Variants in NOX4 observed in about 807,000 individuals in gnomAD.
NOX4 encodes kidney oxidase-1.
In NOX4, 69 loss-of-function variants were observed where a neutral mutation model predicts 87.6. The observed-to-expected ratio is 0.79, with a 90% CI of 0.65 to 0.96. The LOEUF (loss-of-function observed/expected upper bound fraction) is 0.96. Among genes scored for constraint, NOX4 ranks in the 40% least tolerant of loss-of-function variants. The pLI, the probability that NOX4 is intolerant of heterozygous loss-of-function variation, is 0.00. For missense variants in NOX4, 680 were observed against 681.5 expected, an observed-to-expected ratio of 1.00 and a Z score of 0.02; for synonymous variants, 275 against 238.2, an observed-to-expected ratio of 1.15 and a Z score of -1.42.
In NOX4 at chr11:89,400,631, C is replaced by A. The variant is rs986925251; in HGVS notation, c.847-252G>T. Among the ~76,000 whole-genome samples the A allele has an allele frequency of 1.3e-4, 20 of 152,028 alleles. 1 individual carries two copies. The highest frequency in any genetic ancestry group is 4.8e-4 in the African/African-American group (20 of 41,524). ...TGCCCTGGGTGTAACTATCCATGAGCAAACAAGTATATATTCTTTCATACA... is the reference window on the plus strand; with the variant it reads ...TGCCCTGGGTGTAACTATCCATGAGAAAACAAGTATATATTCTTTCATACA... On this transcript the variant is annotated intron_variant, in intron 9 of 17. Transcript: ENST00000263317.
intron 6 of NOX4, among the ~76,000 whole-genome samples, chr11:89,438,679 T>TATA (rs369556281): frequency 0.55 from 41,274 of 74,966 alleles, 12,859 homozygotes; most frequent in African/African-American, 0.84. Flanking sequence ...ATATACTATA[T>TATA]ATACTATAAA....
chr11:89,574,883 T>C, the NOX4 span, among the ~76,000 whole-genome samples: 1 of 152,176 alleles, frequency 6.6e-6, no homozygotes, highest in African/African-American at 2.4e-5. Context: ...CAAGGCGTCA[T>C]TAAAGATATT....
At chr11:89,561,701 C>T in the NOX4 span, among the ~76,000 whole-genome samples, 3 of 151,990 alleles carry the variant, frequency 2.0e-5, no homozygotes, top group South Asian at 2.1e-4. Context: ...TTGTTGGTGC[C>T]GGGGACATAC....
chr11:89,586,104 T>G, the NOX4 span, among the ~76,000 whole-genome samples: 1 of 151,972 alleles, frequency 6.6e-6, no homozygotes, highest in Non-Finnish European at 1.5e-5. Context: ...TATAATAATT[T>G]ATAACACTCT....
upstream of NOX4, among the ~76,000 whole-genome samples, chr11:89,493,399 A>C (rs186406933): frequency 1.7e-3 from 258 of 152,124 alleles, no homozygotes; most frequent in Non-Finnish European, 3.4e-3. Context: ...AAAAAAAAAA[A>C]AGAGATGAGA....
rs191315029 is a variant in NOX4, at chr11:89,475,656, C to T, written c.153+14802G>A. Among the ~76,000 whole-genome samples, 34 of 151,900 alleles carry T rather than the reference C, an allele frequency of 2.2e-4. No homozygotes were observed. In the East Asian group the frequency reaches 3.5e-3, roughly 16 times the overall value. ...CAGAATAGGTTAGGATGAGATGGAACGGGATAGGACAGGACAGGACAGAAT... is the reference window on the plus strand; with the variant it reads ...CAGAATAGGTTAGGATGAGATGGAATGGGATAGGACAGGACAGGACAGAAT... On this transcript the variant is annotated intron_variant, in intron 2 of 17. Coordinates refer to ENST00000263317, the MANE Select transcript of NOX4 (RefSeq NM_016931.5).
rs201210918 is a variant in NOX4, at chr11:89,491,146, G to A, written c.57+44C>T. 5.5e-5 allele frequency: 87 copies of A among 1,582,258 alleles called. No individual in the cohort carries two copies. The East Asian group carries it at 1.8e-3, about 33-fold the overall frequency. ...GCTCAGAGAATGAATCAAAATCACT[G>A]CAGGACAGAGAGAACGCAAGGAGAG... On this transcript the variant is annotated intron_variant, in intron 1 of 17. Coordinates refer to ENST00000263317, the MANE Select transcript of NOX4 (RefSeq NM_016931.5).
intron 7 of NOX4, among the ~76,000 whole-genome samples, chr11:89,422,362 T>A (rs140356217): frequency 2.6e-5 from 4 of 152,274 alleles, no homozygotes; most frequent in Admixed American, 6.5e-5. Flanking sequence ...CCAAAGCTCC[T>A]CTTTCAATAC....
At chr11:89,546,043 G>A in the NOX4 span, among the ~76,000 whole-genome samples, 3 of 152,104 alleles carry the variant, frequency 2.0e-5, no homozygotes, top group Non-Finnish European at 2.9e-5. Flanking sequence ...AAATTTCTCT[G>A]CATTTTAAGC....
the NOX4 span, among the ~76,000 whole-genome samples, chr11:89,541,880 T>C: frequency 6.6e-6 from 1 of 152,182 alleles, no homozygotes. Context: ...AATGCAGTAG[T>C]GCAATCAAGA....
At chr11:89,569,694 G>T in the NOX4 span, among the ~76,000 whole-genome samples, 1 of 151,990 alleles carries the variant, frequency 6.6e-6, no homozygotes, top group Non-Finnish European at 1.5e-5. Context: ...CCATTTCTGG[G>T]TATATATCTA....
intron 2 of NOX4, among the ~76,000 whole-genome samples, chr11:89,489,460 G>A (rs2135494412): frequency 6.6e-6 from 1 of 152,218 alleles, no homozygotes; most frequent in Non-Finnish European, 1.5e-5. Context: ...GGGCATGGTG[G>A]CTCACGCCTG....
At chr11:89,427,041 A>G (rs1218577774) in intron 7 of NOX4, among the ~76,000 whole-genome samples, 1 of 152,174 alleles carries the variant, frequency 6.6e-6, no homozygotes, top group African/African-American at 2.4e-5. Flanking sequence ...AGGAATGATC[A>G]GGCAGCAACA....
intron 2 of NOX4, among the ~76,000 whole-genome samples, chr11:89,486,361 T>C (rs1363514034): frequency 2.8e-5 from 4 of 142,126 alleles, no homozygotes; most frequent in African/African-American, 9.9e-5. Flanking sequence ...GGCCCAATCA[T>C]AGCTCACTGC....
At chr11:89,580,468 T>C in the NOX4 span, among the ~76,000 whole-genome samples, 1 of 152,206 alleles carries the variant, frequency 6.6e-6, no homozygotes, top group South Asian at 2.1e-4. Flanking sequence ...ATGAGTGAGC[T>C]ACTGAGCTCA....
intron 11 of NOX4, 145 bp downstream of exon 11, chr11:89,399,872 A>G (rs540837756): frequency 3.5e-6 from 2 of 572,486 alleles, no homozygotes; most frequent in South Asian, 5.3e-5. Flanking sequence ...GCAGATAACT[A>G]TTTTCCTTGT....
intron 2 of NOX4, among the ~76,000 whole-genome samples, chr11:89,472,662 A>G (rs1486428221): frequency 6.6e-6 from 1 of 152,346 alleles, no homozygotes; most frequent in Admixed American, 6.5e-5. Context: ...AGAAAGCAGT[A>G]TTATAACATA....
At chr11:89,555,213 T>A in the NOX4 span, among the ~76,000 whole-genome samples, 1 of 151,958 alleles carries the variant, frequency 6.6e-6, no homozygotes, top group East Asian at 1.9e-4. Context: ...CTGGGAGCAG[T>A]GACTCTGGAT....
upstream of NOX4, chr11:89,499,256 G>A (rs1362251841): frequency 6.6e-6 from 1 of 152,114 alleles, no homozygotes; most frequent in African/African-American, 2.4e-5. Context: ...GTGAACTAGA[G>A]GCTGCACTGG....
Sources: allele counts gnomAD v4.1 joint callset (sites outside exome capture counted in the v4.1 genomes callset), GRCh38; gene constraint gnomAD v4.1.1; transcripts MANE v1.5; gene names NCBI Gene and HGNC (gene_info 2026-07-23, HGNC 2026-07-21).